STK10: variants seen among roughly 807,000 people sequenced by gnomAD.
The protein encoded by STK10 is serine/threonine kinase 10.
A neutral mutation model predicts 113.8 loss-of-function variants in STK10; 78 were observed. The observed-to-expected ratio is 0.69, with a 90% CI of 0.57 to 0.83. The LOEUF (loss-of-function observed/expected upper bound fraction) is 0.83, where lower values mean the gene tolerates loss of function less well. Ranked by LOEUF, STK10 falls within the 40% of genes least tolerant of loss-of-function variation. The probability of loss-of-function intolerance (pLI) is 0.00; values close to 1 mark genes in which losing one functional copy is unlikely to be tolerated. For missense variants in STK10, 1,109 were observed against 1,280.1 expected, an observed-to-expected ratio of 0.87 and a Z score of 2.04; for synonymous variants, 465 against 494.7, an observed-to-expected ratio of 0.94 and a Z score of 0.80.
At chr5:172,113,118 G>C (rs1023238930) in intron 4 of STK10, among the ~76,000 whole-genome samples, 1 of 152,206 alleles carries the variant, frequency 6.6e-6, no homozygotes, top group Non-Finnish European at 1.5e-5. Flanking sequence ...AAATGCATAT[G>C]TAGCAAAGTT....
intron 10 of STK10, among the ~76,000 whole-genome samples, chr5:172,085,870 C>G (rs1374005062): frequency 2.0e-5 from 3 of 152,124 alleles, no homozygotes; most frequent in Non-Finnish European, 4.4e-5. Flanking sequence ...CATGCTGATT[C>G]CCATGAGGCC....
chr5:172,094,294 A>G (rs1445597596), intron 8 of STK10, among the ~76,000 whole-genome samples: 1 of 152,150 alleles, frequency 6.6e-6, no homozygotes, highest in Admixed American at 6.5e-5. Flanking sequence ...GCCAATTGTG[A>G]CAATGTGGGA....
intron 12 of STK10, among the ~76,000 whole-genome samples, chr5:172,079,502 T>C (rs1768383183): frequency 6.6e-6 from 1 of 152,180 alleles, no homozygotes; most frequent in Admixed American, 6.6e-5. Flanking sequence ...TTTGTCTGGC[T>C]TCTCTGGAAA....
Position 172,105,636 on chromosome 5 carries a change from T to G in STK10, c.870+20A>C. 1 of 1,612,680 alleles carries G rather than the reference T, an allele frequency of 6.2e-7. No individual in the cohort carries two copies. The highest frequency in any genetic ancestry group is 8.5e-7 in the Non-Finnish European group (1 of 1,179,276). ...AGGCTCCACCCTTCAGGGAGCAGAG[T>G]GGGAGGGGAATCCACTCACCTCCAG... On this transcript the variant is annotated intron_variant, in intron 7 of 18. Transcript: ENST00000176763.
intron 12 of STK10, among the ~76,000 whole-genome samples, chr5:172,077,235 G>A (rs1368083449): frequency 6.6e-6 from 1 of 152,184 alleles, no homozygotes; most frequent in Non-Finnish European, 1.5e-5. Context: ...AAAGCCATCT[G>A]GCTTTCAACT....
chr5:172,059,067 C>CAA (rs569020989), intron 14 of STK10, among the ~76,000 whole-genome samples: 12,207 of 138,432 alleles, frequency 0.088, 687 homozygotes, highest in African/African-American at 0.16. Flanking sequence ...ACTAAAAATA[C>CAA]AAAAAAAAAA....
At chr5:172,088,381 G>A (rs141612344) in intron 10 of STK10, among the ~76,000 whole-genome samples, 32 of 152,102 alleles carry the variant, frequency 2.1e-4, no homozygotes, top group Non-Finnish European at 3.4e-4. Flanking sequence ...AAAATTAGCC[G>A]GGCATGGTGG....
intron 7 of STK10, among the ~76,000 whole-genome samples, chr5:172,100,648 G>A (rs1423759529): frequency 6.6e-6 from 1 of 152,118 alleles, no homozygotes; most frequent in Non-Finnish European, 1.5e-5. Context: ...TTAGCCGGGT[G>A]TGGTGGCAGG....
chr5:172,068,125 G>C (rs552154165), intron 12 of STK10, among the ~76,000 whole-genome samples: 1 of 152,298 alleles, frequency 6.6e-6, no homozygotes, highest in South Asian at 2.1e-4. Flanking sequence ...TGGATCACGA[G>C]GTCAGGAATT....
At chr5:172,185,351 C>T (rs1373908189) in intron 1 of STK10, among the ~76,000 whole-genome samples, 1 of 152,146 alleles carries the variant, frequency 6.6e-6, no homozygotes, top group African/African-American at 2.4e-5. Context: ...TCACTGCACC[C>T]TCCACCTCCC....
In STK10 at chr5:172,105,704, G is replaced by T. The variant is rs1401650993; in HGVS notation, c.822C>A (p.Ala274=). Residue 274 remains alanine, a synonymous_variant, in exon 7 of 19, where the codon GCC becomes GCA. Coordinates refer to ENST00000176763, the MANE Select transcript of STK10 (RefSeq NM_005990.4). The stretch of plus-strand genomic sequence containing the variant: ...GTCGGGTTTCTGGGTTCTTATCCAG[G>T]GCTATCTTCAGGAAGTCACGGAACT... ...SVEFRDFLKI[A]LDKNPETRPS... is the part of the protein sequence containing the mutation. 6 of 1,613,750 alleles carry T rather than the reference G, an allele frequency of 3.7e-6. No individual in the cohort carries two copies. Among genetic ancestry groups the T allele is most frequent in the Non-Finnish European group, 5.1e-6 (6 of 1,180,034 alleles).
chr5:172,086,766 G>A (rs1419286261), intron 10 of STK10, among the ~76,000 whole-genome samples: 1 of 152,172 alleles, frequency 6.6e-6, no homozygotes, highest in South Asian at 2.1e-4. Flanking sequence ...CAGACCTCCA[G>A]ACCACGGCAG....
chr5:172,084,897 A>G (rs1328393379), intron 10 of STK10, among the ~76,000 whole-genome samples: 1 of 152,108 alleles, frequency 6.6e-6, no homozygotes, highest in Non-Finnish European at 1.5e-5. Context: ...TGGATTTTGG[A>G]TTTTTTGATT....
intron 10 of STK10, among the ~76,000 whole-genome samples, chr5:172,088,854 T>C (rs992765660): frequency 5.9e-5 from 9 of 152,290 alleles, no homozygotes; most frequent in African/African-American, 1.4e-4. Context: ...AATGTGGAAA[T>C]AGGGTCTCCC....
At chr5:172,065,724 A>G (rs1768052765) in intron 12 of STK10, among the ~76,000 whole-genome samples, 1 of 152,128 alleles carries the variant, frequency 6.6e-6, no homozygotes, top group Non-Finnish European at 1.5e-5. Context: ...CGTTTGCTGG[A>G]ACTACTGAAG....
intron 10 of STK10, among the ~76,000 whole-genome samples, chr5:172,086,824 G>A (rs966057387): frequency 2.0e-5 from 3 of 152,146 alleles, no homozygotes; most frequent in Non-Finnish European, 2.9e-5. Flanking sequence ...TCACCTCCTC[G>A]AGGTCTCCCC....
chr5:172,098,621 C>T (rs577006432), intron 7 of STK10, among the ~76,000 whole-genome samples: 5 of 152,250 alleles, frequency 3.3e-5, no homozygotes, highest in Admixed American at 6.5e-5. Context: ...ATTCTGGCTG[C>T]TCTGTACTTT....
intron 1 of STK10, among the ~76,000 whole-genome samples, chr5:172,172,701 C>T (rs542742315): frequency 1.3e-5 from 2 of 152,204 alleles, no homozygotes; most frequent in East Asian, 1.9e-4. Flanking sequence ...CTGAAGTGGC[C>T]GGGCGCAGTG....
At chr5:172,107,678 T>TGCCCCCAGGCTGACCGGGC in intron 5 of STK10, 102 bp downstream of exon 5, 1 of 1,075,812 alleles carries the variant, frequency 9.3e-7, no homozygotes, top group Non-Finnish European at 1.4e-6. Flanking sequence ...GCAGGGCGTG[T>TGCCCCCAGGCTGACCGGGC]AGCCCTTGTC....
Sources: gnomAD v4.1 joint callset for allele counts (sites outside exome capture counted in the v4.1 genomes callset) on GRCh38, gnomAD v4.1.1 for gene constraint, MANE v1.5 for transcripts, NCBI Gene and HGNC (gene_info 2026-07-23, HGNC 2026-07-21) for gene names.